The following STK32B variants were observed in gnomAD, a reference collection of about 807,000 sequenced individuals.
The protein encoded by STK32B is serine/threonine kinase 32B.
In STK32B, 43 loss-of-function variants were observed where a neutral mutation model predicts 52.6. That is an observed-to-expected ratio of 0.82 (90% CI 0.64 to 1.05). STK32B has a LOEUF of 1.05. STK32B is among the 50% of genes least tolerant of loss of function. STK32B has a pLI of 0.00. For synonymous variants in STK32B, 238 were observed against 204.3 expected (o/e 1.17, Z -1.41); for missense variants, 621 against 534.6 (o/e 1.16, Z -1.59).
At chr4:5,087,492 A>C (rs1712796529) in intron 1 of STK32B, among the ~76,000 whole-genome samples, 2 of 152,036 alleles carry the variant, frequency 1.3e-5, no homozygotes, top group Non-Finnish European at 1.5e-5. Context: ...CTCCAATTAA[A>C]AGATAGATAT....
intron 6 of STK32B, among the ~76,000 whole-genome samples, chr4:5,443,715 TC>T (rs66603007): frequency 0.093 from 14,206 of 152,072 alleles, 997 homozygotes; most frequent in East Asian, 0.4. Context: ...TTCTGTTTTT[TC>T]CCCATCTTTG....
intron 6 of STK32B, among the ~76,000 whole-genome samples, chr4:5,433,971 A>C (rs1713812489): frequency 1.3e-5 from 2 of 152,192 alleles, no homozygotes; most frequent in Non-Finnish European, 2.9e-5. Context: ...CCGTTATATG[A>C]TGCCCTAATG....
intron 6 of STK32B, among the ~76,000 whole-genome samples, chr4:5,436,387 A>G (rs1016568403): frequency 1.8e-4 from 27 of 152,204 alleles, no homozygotes; most frequent in Non-Finnish European, 5.9e-5. Flanking sequence ...AGAGAACTAC[A>G]CAGGTTTAGA....
At position 5,467,170 on chromosome 4, in the gene STK32B, C is replaced by T. The variant is rs1198948930; in HGVS notation, c.1041+336C>T. ...CACGATGACTTTTGTGGGTCCTGGG[C>T]ACTTTGCCTCTGTGGGCCTCTGTAT... On this transcript the variant is annotated intron_variant, in intron 10 of 11. Coordinates refer to ENST00000282908, the MANE Select transcript of STK32B (RefSeq NM_018401.3). The surrounding 1 kb of genome is among the most constrained non-coding windows in gnomAD (Gnocchi z 5.8). 6.6e-6 allele frequency among the ~76,000 whole-genome samples: 1 copy of T among 152,170 alleles called. No individual in the cohort carries two copies. The highest frequency in any genetic ancestry group is 1.9e-4 in the East Asian group (1 of 5,178).
chr4:5,441,282 C>A (rs1190165814), intron 6 of STK32B, among the ~76,000 whole-genome samples: 1 of 151,856 alleles, frequency 6.6e-6, no homozygotes, highest in Admixed American at 6.6e-5. Context: ...ACAACTTCAG[C>A]TCCTGTTATT....
At chr4:5,128,468 G>T (rs1715546734) in intron 1 of STK32B, among the ~76,000 whole-genome samples, 1 of 152,210 alleles carries the variant, frequency 6.6e-6, no homozygotes, top group African/African-American at 2.4e-5. Flanking sequence ...ATATTTTCCT[G>T]TATGAATTAG....
At chr4:5,471,659 C>G (rs916699809) in intron 11 of STK32B, among the ~76,000 whole-genome samples, 5 of 152,108 alleles carry the variant, frequency 3.3e-5, no homozygotes, top group African/African-American at 1.2e-4. Flanking sequence ...CAACCAGAAG[C>G]TGAGAGAGTA....
chr4:5,288,760 A>AT (rs928048172), intron 3 of STK32B, among the ~76,000 whole-genome samples: 2 of 151,998 alleles, frequency 1.3e-5, no homozygotes, highest in African/African-American at 4.8e-5. Flanking sequence ...CCAACTTTCT[A>AT]TTTTTTTCTT....
intron 4 of STK32B, among the ~76,000 whole-genome samples, chr4:5,375,270 T>C (rs1560363710): frequency 2.0e-5 from 3 of 152,046 alleles, no homozygotes; most frequent in African/African-American, 7.3e-5. Context: ...GCCCTTCTGC[T>C]ATTCCCCACC....
chr4:5,458,143 G>T (rs894461993), intron 8 of STK32B, among the ~76,000 whole-genome samples: 2 of 152,134 alleles, frequency 1.3e-5, no homozygotes, highest in Non-Finnish European at 1.5e-5. Flanking sequence ...AGACACCTGG[G>T]GTGGGCCCCA....
Position 5,468,174 on chromosome 4 carries a change from A to T in STK32B, c.1106+104A>T, listed in dbSNP as rs73212749. On this transcript the variant is annotated intron_variant, in intron 11 of 11. Transcript: ENST00000282908. ...TGCCCCCCAAACCGGCCTTGACGAC[A>T]AAAGGGAAGGTATCGCTGAGGTGAG... is the stretch of plus-strand genomic sequence containing the variant. 53 of 1,194,082 alleles carry T rather than the reference A, an allele frequency of 4.4e-5. No individual in the cohort carries two copies. In the African/African-American group the frequency reaches 6.6e-4, roughly 15 times the overall value. The allele number at this position is 1,194,082 out of a possible 1,614,324, so 74.0% of individuals were successfully genotyped here. A position where few individuals can be genotyped will look rare whatever the true frequency, so the allele number is the denominator to read the frequency against.
rs938683490 is a variant in STK32B at position 5,396,804 on chromosome 4, G to A, written c.435-1403G>A. Among the ~76,000 whole-genome samples, 2 of 152,064 alleles carry A rather than the reference G, an allele frequency of 1.3e-5. No individual in the cohort carries two copies. Among genetic ancestry groups the A allele is most frequent in the Non-Finnish European group, 2.9e-5 (2 of 68,034 alleles). On this transcript the variant is annotated intron_variant, in intron 4 of 11. Transcript: ENST00000282908. The surrounding 1 kb of genome is among the most constrained non-coding windows in gnomAD (Gnocchi z 4.7). The stretch of plus-strand genomic sequence containing the variant: ...GAGAAACCCTGCTGGGAGCCACCCT[G>A]GGCAGGGACCAAGCATTTGCTGACT...
rs1735879723 is a variant in STK32B, at chr4:5,380,626, G to T, written c.435-17581G>T. Among the ~76,000 whole-genome samples the T allele has an allele frequency of 6.6e-6, 1 of 152,146 alleles. No homozygotes were observed. Among genetic ancestry groups the T allele is most frequent in the Admixed American group, 6.5e-5 (1 of 15,278 alleles). ...CATGACACGCAGATGCCTTTACCAG[G>T]GTGGCTGGTGGCACAAGGCCCCACA... On this transcript the variant is annotated intron_variant, in intron 4 of 11. Transcript: ENST00000282908. The surrounding 1 kb of genome is among the most constrained non-coding windows in gnomAD (Gnocchi z 4.3).
chr4:5,477,613 G>C (rs1718341768), intron 11 of STK32B, among the ~76,000 whole-genome samples: 2 of 152,182 alleles, frequency 1.3e-5, no homozygotes, highest in African/African-American at 4.8e-5. Context: ...TGGCAGGTCA[G>C]CTTGGAGTGC....
intron 3 of STK32B, among the ~76,000 whole-genome samples, chr4:5,273,927 C>T (rs1376926813): frequency 1.3e-5 from 2 of 150,694 alleles, no homozygotes; most frequent in African/African-American, 4.9e-5. Context: ...ACCAGCATGA[C>T]ACATGTATAC....
chr4:5,328,934 G>A (rs1002459866), intron 3 of STK32B, among the ~76,000 whole-genome samples: 25 of 152,160 alleles, frequency 1.6e-4, no homozygotes, highest in African/African-American at 4.6e-4. Context: ...GTGGCCGGGC[G>A]CGGTGGCTCA....
chr4:5,112,690 G>A (rs1714469360), intron 1 of STK32B, among the ~76,000 whole-genome samples: 1 of 152,148 alleles, frequency 6.6e-6, no homozygotes, highest in African/African-American at 2.4e-5. Flanking sequence ...GCAGTCAAAT[G>A]GACATGCAAA....
chr4:5,290,918 G>C (rs1359932747), intron 3 of STK32B, among the ~76,000 whole-genome samples: 2 of 152,044 alleles, frequency 1.3e-5, no homozygotes, highest in African/African-American at 2.4e-5. Context: ...GGAAAGGCAA[G>C]AGATACATAA....
At chr4:5,035,186 ACCTTTT>A in the STK32B span, among the ~76,000 whole-genome samples, 1 of 151,992 alleles carries the variant, frequency 6.6e-6, no homozygotes, top group Non-Finnish European at 1.5e-5. Context: ...AGCACCACAC[ACCTTTT>A]CCTTTTCATT....
Sources: allele counts gnomAD v4.1 joint callset (sites outside exome capture counted in the v4.1 genomes callset), GRCh38; gene constraint gnomAD v4.1.1; non-coding constraint Gnocchi (gnomAD v3.1); transcripts MANE v1.5; gene names NCBI Gene and HGNC (gene_info 2026-07-23, HGNC 2026-07-21).